The following MAPK10 variants were observed in gnomAD, a reference collection of about 807,000 sequenced individuals.
MAPK10 encodes mitogen-activated protein kinase 10.
Under a neutral mutation model 59.3 loss-of-function variants are expected in MAPK10, and 25 were observed. That is an observed-to-expected ratio of 0.42 (90% CI 0.31 to 0.59). The LOEUF is 0.59. Ranked by LOEUF, MAPK10 falls within the 20% of genes least tolerant of loss-of-function variation. The pLI, the probability that MAPK10 is intolerant of heterozygous loss-of-function variation, is 0.15. For synonymous variants in MAPK10, 190 were observed against 200.5 expected, an observed-to-expected ratio of 0.95 and a Z score of 0.44; for missense variants, 351 against 568.9, an observed-to-expected ratio of 0.62 and a Z score of 3.90.
intron 1 of MAPK10, among the ~76,000 whole-genome samples, chr4:86,470,611 A>C (rs1343400427): frequency 6.6e-6 from 1 of 151,904 alleles, no homozygotes; most frequent in Non-Finnish European, 1.5e-5. Flanking sequence ...CCTTGTTCCC[A>C]TTTCATCTCC....
At chr4:86,194,303 C>G (rs765362485) in intron 3 of MAPK10, 33 bp downstream of exon 3, 1 of 1,558,930 alleles carries the variant, frequency 6.4e-7, no homozygotes, top group Admixed American at 1.7e-5. Context: ...AGGGAATATA[C>G]TGTACCTTGT....
chr4:86,327,454 A>G (rs1457793556), intron 2 of MAPK10: 3 of 151,806 alleles, frequency 2.0e-5, no homozygotes, highest in Admixed American at 6.6e-5. Context: ...AGTCCGAGCC[A>G]CCATGCCACA....
intron 1 of MAPK10, among the ~76,000 whole-genome samples, chr4:86,479,941 G>A (rs964152946): frequency 1.3e-5 from 2 of 151,590 alleles, no homozygotes; most frequent in Non-Finnish European, 2.9e-5. Context: ...CCCTAATCCT[G>A]CTCGAAGCAT....
At chr4:86,346,350 C>G (rs1422612783) in intron 2 of MAPK10, among the ~76,000 whole-genome samples, 1 of 152,146 alleles carries the variant, frequency 6.6e-6, no homozygotes, top group Non-Finnish European at 1.5e-5. Flanking sequence ...CTCCCATATA[C>G]TTTGTCAACT....
intron 1 of MAPK10, among the ~76,000 whole-genome samples, chr4:86,409,223 G>A (rs1744804291): frequency 1.3e-5 from 2 of 152,010 alleles, no homozygotes; most frequent in South Asian, 4.2e-4. Flanking sequence ...GACGTGTGGT[G>A]TTATTTCTGA....
intron 1 of MAPK10, among the ~76,000 whole-genome samples, chr4:86,375,065 T>A (rs1253285142): frequency 6.6e-6 from 1 of 152,218 alleles, no homozygotes; most frequent in Non-Finnish European, 1.5e-5. Context: ...CATGAATGAT[T>A]ATAATGCGAG....
chr4:86,283,496 G>A (rs1013696630), intron 2 of MAPK10, among the ~76,000 whole-genome samples: 2 of 152,150 alleles, frequency 1.3e-5, no homozygotes, highest in East Asian at 1.9e-4. Context: ...GTGTCCTTAC[G>A]ACATGATAAG....
chr4:86,104,016 T>TA (rs936080507), intron 5 of MAPK10, among the ~76,000 whole-genome samples: 27 of 151,974 alleles, frequency 1.8e-4, no homozygotes, highest in Non-Finnish European at 3.5e-4. Flanking sequence ...TAAAAATATA[T>TA]AAAAATCTTA....
intron 1 of MAPK10, among the ~76,000 whole-genome samples, chr4:86,576,555 A>G (rs1333884360): frequency 1.3e-5 from 2 of 151,428 alleles, no homozygotes; most frequent in African/African-American, 4.9e-5. Context: ...CGGGTGGATC[A>G]TGAGGTCAGG....
chr4:86,350,287 T>C (rs1449053266), intron 2 of MAPK10, among the ~76,000 whole-genome samples: 1 of 151,904 alleles, frequency 6.6e-6, no homozygotes, highest in Non-Finnish European at 1.5e-5. Flanking sequence ...CGATCGCGGC[T>C]CACTGCAACC....
intron 3 of MAPK10, among the ~76,000 whole-genome samples, chr4:86,188,793 G>C (rs2078925574): frequency 6.6e-6 from 1 of 152,032 alleles, no homozygotes; most frequent in Non-Finnish European, 1.5e-5. Flanking sequence ...ATTGCTTTTG[G>C]TGTTTTAGTC....
At chr4:86,179,579 C>T (rs983112761) in intron 3 of MAPK10, among the ~76,000 whole-genome samples, 72 of 152,182 alleles carry the variant, frequency 4.7e-4, no homozygotes, top group African/African-American at 1.2e-3. Context: ...AAAGATATTA[C>T]GCCACCAGAC....
At position 86,103,073 on chromosome 4, in the gene MAPK10, C is replaced by CTTTGTGTGTG. The variant is rs1251474551; in HGVS notation, c.425+112_425+113insCACACACAAA. Reference sequence around the variant, plus strand: ...CTTTGAGCAGTATAAGGGATTTCAACTCTGTGTGTGTGTGTGTGTGTGTGT... The same window carrying CTTTGTGTGTG: ...CTTTGAGCAGTATAAGGGATTTCAACTTTGTGTGTGTCTGTGTGTGTGTGTGTGTGTGTGT... On this transcript the variant is annotated intron_variant, in intron 6 of 13. Coordinates refer to ENST00000641462, the MANE Select transcript of MAPK10 (RefSeq NM_138982.4). 7.6e-5 allele frequency: 23 copies of CTTTGTGTGTG among 303,452 alleles called. No homozygotes were observed. The East Asian group carries it at 1.4e-3, about 19-fold the overall frequency. The allele number at this position is 303,452 out of a possible 1,614,324, so 18.8% of individuals were successfully genotyped here.
Position 86,010,464 on chromosome 4 carries a change from T to C in MAPK10, c.*6764A>G, listed in dbSNP as rs1741348207. On this transcript the variant is annotated 3_prime_UTR_variant, in exon 14 of 14. Transcript: ENST00000641462. ...TTTAGGTTAAGGACCATGCAATATA[T>C]ATCTCCTACACCGAAGTGTCCAAGA... 6.6e-6 allele frequency: 1 copy of C among 152,208 alleles called. No individual in the cohort carries two copies. Among genetic ancestry groups the C allele is most frequent in the Non-Finnish European group, 1.5e-5 (1 of 68,032 alleles). The allele number at this position is 152,208 out of a possible 1,614,324, so 9.4% of individuals were successfully genotyped here.
At chr4:86,549,395 A>G (rs1235745688) in intron 1 of MAPK10, among the ~76,000 whole-genome samples, 1 of 152,204 alleles carries the variant, frequency 6.6e-6, no homozygotes, top group African/African-American at 2.4e-5. Context: ...CCTGCACAGT[A>G]TGTTATTGTA....
At chr4:86,066,599 T>C (rs1250914271) in intron 10 of MAPK10, among the ~76,000 whole-genome samples, 2 of 151,880 alleles carry the variant, frequency 1.3e-5, no homozygotes, top group Non-Finnish European at 2.9e-5. Flanking sequence ...ACCCCATCTC[T>C]ACTAAAAATA....
chr4:86,115,618 C>T (rs1030336631), intron 4 of MAPK10, among the ~76,000 whole-genome samples: 8 of 151,998 alleles, frequency 5.3e-5, no homozygotes, highest in Admixed American at 1.3e-4. Context: ...TGCGCCACCA[C>T]GCCCAGCTTA....
At chr4:86,593,097 A>AAATGATAT (rs1353672155) in intron 1 of MAPK10, among the ~76,000 whole-genome samples, 1 of 152,236 alleles carries the variant, frequency 6.6e-6, no homozygotes, top group Non-Finnish European at 1.5e-5. Flanking sequence ...TTCATTTAGT[A>AAATGATAT]AATGATATAA....
chr4:86,472,456 G>A (rs1008035646), intron 1 of MAPK10, among the ~76,000 whole-genome samples: 1 of 152,050 alleles, frequency 6.6e-6, no homozygotes, highest in Admixed American at 6.6e-5. Context: ...ACCAGCCTGG[G>A]CAACATGGCA....
Sources: gnomAD v4.1 joint callset for allele counts (sites outside exome capture counted in the v4.1 genomes callset) on GRCh38, gnomAD v4.1.1 for gene constraint, MANE v1.5 for transcripts, NCBI Gene and HGNC (gene_info 2026-07-23, HGNC 2026-07-21) for gene names.